The following SHISA9 variants were observed in gnomAD, a reference collection of about 807,000 sequenced individuals.
SHISA9 encodes the protein shisa family member 9.
Under a neutral mutation model 38.0 loss-of-function variants are expected in SHISA9, and 13 were observed. That is an observed-to-expected ratio of 0.34 (90% CI 0.22 to 0.54). SHISA9 has a LOEUF of 0.54. Ranked by LOEUF, SHISA9 falls within the 20% of genes least tolerant of loss-of-function variation. The pLI, the probability that SHISA9 is intolerant of heterozygous loss-of-function variation, is 0.91. For synonymous variants in SHISA9, 275 were observed against 242.0 expected, an observed-to-expected ratio of 1.14 and a Z score of -1.27; for missense variants, 538 against 575.8, an observed-to-expected ratio of 0.93 and a Z score of 0.67.
chr16:13,358,024 G>C, the SHISA9 span, among the ~76,000 whole-genome samples: 1 of 152,152 alleles, frequency 6.6e-6, no homozygotes, highest in Non-Finnish European at 1.5e-5. Flanking sequence ...CAGGTCACAG[G>C]GGATGTGATG....
At chr16:13,216,575 G>A (rs1201984399) in intron 4 of SHISA9, among the ~76,000 whole-genome samples, 1 of 152,144 alleles carries the variant, frequency 6.6e-6, no homozygotes, top group African/African-American at 2.4e-5. Flanking sequence ...TTGCTCTTAA[G>A]GAAGACCGAT....
intron 2 of SHISA9, among the ~76,000 whole-genome samples, chr16:12,931,318 A>G (rs1429069282): frequency 6.6e-6 from 1 of 152,162 alleles, no homozygotes; most frequent in Non-Finnish European, 1.5e-5. Flanking sequence ...GGGACCATGC[A>G]CAGGTTTGTT....
the SHISA9 span, among the ~76,000 whole-genome samples, chr16:13,422,213 C>A: frequency 6.6e-6 from 1 of 152,180 alleles, no homozygotes; most frequent in South Asian, 2.1e-4. Context: ...TTCAGTGAGG[C>A]TCCAAGGATG....
At chr16:12,997,495 C>T (rs1210768944) in intron 2 of SHISA9, among the ~76,000 whole-genome samples, 2 of 150,922 alleles carry the variant, frequency 1.3e-5, no homozygotes, top group African/African-American at 2.4e-5. Flanking sequence ...CAACCTCCAT[C>T]TCCCGGGTTC....
chr16:13,377,586 C>G, the SHISA9 span, among the ~76,000 whole-genome samples: 50 of 152,286 alleles, frequency 3.3e-4, no homozygotes, highest in African/African-American at 1.2e-3. Context: ...ATAAAATGTA[C>G]AAACACATAC....
At chr16:13,533,679 A>G in the SHISA9 span, among the ~76,000 whole-genome samples, 1 of 151,446 alleles carries the variant, frequency 6.6e-6, no homozygotes, top group Admixed American at 6.6e-5. Context: ...CTTCTTCTTC[A>G]AGGATATCAC....
chr16:12,970,331 ATATATATATATACATATATG>A (rs1303597298), intron 2 of SHISA9, among the ~76,000 whole-genome samples: 1 of 79,442 alleles, frequency 1.3e-5, no homozygotes, highest in Non-Finnish European at 2.5e-5. Flanking sequence ...ATATACATAT[ATATATATATATACATATATG>A]TGTATATATA....
chr16:13,430,155 C>G, the SHISA9 span, among the ~76,000 whole-genome samples: 1 of 152,148 alleles, frequency 6.6e-6, no homozygotes, highest in African/African-American at 2.4e-5. Context: ...TGATCTCAGA[C>G]GTCTTGTCTC....
At chr16:13,424,170 C>T in the SHISA9 span, among the ~76,000 whole-genome samples, 2 of 152,174 alleles carry the variant, frequency 1.3e-5, no homozygotes. Flanking sequence ...TAGAATTTTC[C>T]TAACTCACGC....
the SHISA9 span, among the ~76,000 whole-genome samples, chr16:13,377,904 G>A: frequency 3.3e-5 from 5 of 152,214 alleles, no homozygotes; most frequent in East Asian, 1.9e-4. Flanking sequence ...GTGGTGGCAC[G>A]CACCTGTAGT....
At chr16:13,062,882 C>T (rs541917550) in intron 2 of SHISA9, among the ~76,000 whole-genome samples, 3 of 152,340 alleles carry the variant, frequency 2.0e-5, no homozygotes, top group African/African-American at 7.2e-5. Flanking sequence ...TCACCAGCCT[C>T]ACCCTGGTAC....
At chr16:13,296,945 AT>A in the SHISA9 span, among the ~76,000 whole-genome samples, 2 of 150,324 alleles carry the variant, frequency 1.3e-5, no homozygotes, top group Non-Finnish European at 3.0e-5. Context: ...CGTTGTAAAA[AT>A]GTCTTAGAAA....
At chr16:13,487,447 G>A in the SHISA9 span, among the ~76,000 whole-genome samples, 9 of 152,166 alleles carry the variant, frequency 5.9e-5, no homozygotes, top group African/African-American at 2.2e-4. Context: ...CACGTGGTGG[G>A]AGCAGGAAGG....
chr16:13,207,360 A>C (rs2051075113), intron 3 of SHISA9, among the ~76,000 whole-genome samples: 1 of 152,184 alleles, frequency 6.6e-6, no homozygotes, highest in Admixed American at 6.5e-5. Flanking sequence ...TTTGGGATTA[A>C]ATTTTCAGTG....
At chr16:13,509,736 T>G in the SHISA9 span, among the ~76,000 whole-genome samples, 1 of 152,214 alleles carries the variant, frequency 6.6e-6, no homozygotes, top group Admixed American at 6.5e-5. Context: ...AATGACCCAC[T>G]GTGTGTCAGA....
At chr16:13,224,855 G>C (rs1267686084) in intron 4 of SHISA9, among the ~76,000 whole-genome samples, 1 of 152,094 alleles carries the variant, frequency 6.6e-6, no homozygotes, top group Non-Finnish European at 1.5e-5. Flanking sequence ...GAAACAGCAG[G>C]GATGATGTCC....
Position 12,932,038 on chromosome 16 carries a change from A to G in SHISA9, c.691+15223A>G, listed in dbSNP as rs140570418. Among the ~76,000 whole-genome samples the G allele has an allele frequency of 2.7e-3, 408 of 152,252 alleles. 1 individual carries two copies. Among genetic ancestry groups the G allele is most frequent in the Admixed American group, 5.7e-3 (87 of 15,298 alleles). ...CATGAGACCTGATGGGTTTTTTAATAAAGTGCAGTCCCCCTGCACATGCTT... is the reference window on the plus strand; with the variant it reads ...CATGAGACCTGATGGGTTTTTTAATGAAGTGCAGTCCCCCTGCACATGCTT... On this transcript the variant is annotated intron_variant, in intron 2 of 4. Coordinates refer to ENST00000558583, the MANE Select transcript of SHISA9 (RefSeq NM_001145204.3).
At chr16:13,126,223 C>T (rs1196719563) in intron 2 of SHISA9, among the ~76,000 whole-genome samples, 1 of 152,174 alleles carries the variant, frequency 6.6e-6, no homozygotes, top group Non-Finnish European at 1.5e-5. Context: ...AGGAAGCCTT[C>T]CCTGGGGCCC....
intron 2 of SHISA9, among the ~76,000 whole-genome samples, chr16:13,199,649 T>C (rs1378877460): frequency 6.6e-6 from 1 of 152,220 alleles, no homozygotes; most frequent in African/African-American, 2.4e-5. Flanking sequence ...TCAAATTCAC[T>C]TGACTTCATG....
Sources: gnomAD v4.1 joint callset for allele counts (sites outside exome capture counted in the v4.1 genomes callset) on GRCh38, gnomAD v4.1.1 for gene constraint, MANE v1.5 for transcripts, NCBI Gene and HGNC (gene_info 2026-07-23, HGNC 2026-07-21) for gene names.